The following HYKK variants were observed in gnomAD, a reference collection of about 807,000 sequenced individuals.
The protein encoded by HYKK is 5-hydroxy-L-lysine kinase.
Under a neutral mutation model 29.7 loss-of-function variants are expected in HYKK, and 19 were observed. The observed-to-expected ratio is 0.64, with a 90% CI of 0.45 to 0.94. The LOEUF (loss-of-function observed/expected upper bound fraction) is 0.94. Ranked by LOEUF, HYKK falls within the 40% of genes least tolerant of loss-of-function variation. The probability of loss-of-function intolerance (pLI) is 0.00; values close to 1 mark genes in which losing one functional copy is unlikely to be tolerated. For synonymous variants in HYKK, 152 were observed against 158.1 expected, an observed-to-expected ratio of 0.96 and a Z score of 0.29; for missense variants, 390 against 443.4, an observed-to-expected ratio of 0.88 and a Z score of 1.08.
At position 78,533,478 on chromosome 15, in the gene HYKK, C is replaced by T; in HGVS notation, c.930C>T (p.Cys310=). ...AGGGTGCTTTGTTTTTACTTGTATG[C>T]AGTCGTTTTTGTCAGTCACTTGTCA... ...VEKGALFLLV[C]SRFCQSLVMA... is the part of the protein sequence containing the mutation. The change falls in exon 5 of 5, where the codon TGC becomes TGT. Residue 310 remains cysteine (C), a synonymous_variant. Transcript: ENST00000388988. The T allele has an allele frequency of 6.2e-7, 1 of 1,614,196 alleles. No homozygotes were observed. The highest frequency in any genetic ancestry group is 8.5e-7 in the Non-Finnish European group (1 of 1,180,040).
intron 3 of HYKK, chr15:78,518,603 G>A (rs4380026): frequency 0.015 from 6,733 of 455,482 alleles, 364 homozygotes; most frequent in African/African-American, 0.12. Context: ...TAAGCCCCGC[G>A]TTACACCCCT....
intron 3 of HYKK, among the ~76,000 whole-genome samples, chr15:78,515,455 T>C (rs1480571293): frequency 1.3e-5 from 2 of 152,102 alleles, no homozygotes; most frequent in African/African-American, 4.8e-5. Flanking sequence ...TGGTGGCGTG[T>C]GCCTGTAGTC....
At chr15:78,524,079 G>T (rs2052224849) in intron 3 of HYKK, among the ~76,000 whole-genome samples, 1 of 152,216 alleles carries the variant, frequency 6.6e-6, no homozygotes, top group Admixed American at 6.5e-5. Flanking sequence ...GCTTCACTAG[G>T]CAGTACCCCA....
At chr15:78,526,209 C>T (rs771091536) in intron 3 of HYKK, among the ~76,000 whole-genome samples, 2 of 152,182 alleles carry the variant, frequency 1.3e-5, no homozygotes, top group Non-Finnish European at 2.9e-5. Context: ...AAATATTGCT[C>T]AAGCAGTGCC....
chr15:78,514,042 T>C (rs936133103), intron 2 of HYKK, among the ~76,000 whole-genome samples: 1 of 152,108 alleles, frequency 6.6e-6, no homozygotes, highest in Non-Finnish European at 1.5e-5. Flanking sequence ...TCTGCCTTCA[T>C]TGGCTTCCCA....
intron 1 of HYKK, among the ~76,000 whole-genome samples, chr15:78,510,603 C>G (rs2052064845): frequency 6.6e-6 from 1 of 152,102 alleles, no homozygotes; most frequent in Non-Finnish European, 1.5e-5. Context: ...TATCCCCTTT[C>G]CCTCACTGGA....
chr15:78,527,337 G>T (rs899743647), intron 3 of HYKK, 43 bp from the exon 4 acceptor site: 6 of 1,557,772 alleles, frequency 3.9e-6, no homozygotes, highest in Non-Finnish European at 5.3e-6. Flanking sequence ...CTCAGCAGTG[G>T]TTGCTCTGTC....
intron 4 of HYKK, among the ~76,000 whole-genome samples, chr15:78,530,195 TATTTA>T (rs1248046310): frequency 4.6e-5 from 3 of 65,584 alleles, no homozygotes; most frequent in African/African-American, 1.3e-4. Flanking sequence ...AACCATTATT[TATTTA>T]TTTTTTTTTT....
At chr15:78,513,712 G>A (rs551712677) in intron 2 of HYKK, among the ~76,000 whole-genome samples, 1 of 152,190 alleles carries the variant, frequency 6.6e-6, no homozygotes, top group Non-Finnish European at 1.5e-5. Flanking sequence ...TAACTAAGGG[G>A]ACTTGTGGAA....
At chr15:78,527,908 A>G (rs2052272262) in intron 4 of HYKK, 1 of 234,664 alleles carries the variant, frequency 4.3e-6, no homozygotes, top group Non-Finnish European at 7.3e-6. Context: ...TCTATTCAGC[A>G]TGTTTTGCAG....
chr15:78,520,874 C>A (rs1206051073), intron 3 of HYKK, among the ~76,000 whole-genome samples: 5 of 151,364 alleles, frequency 3.3e-5, no homozygotes, highest in Non-Finnish European at 7.4e-5. Context: ...GGGGCTGACC[C>A]CCCCACCTCC....
intron 3 of HYKK, among the ~76,000 whole-genome samples, chr15:78,525,052 G>GA (rs1168793079): frequency 6.6e-6 from 1 of 152,008 alleles, no homozygotes; most frequent in Non-Finnish European, 1.5e-5. Context: ...TATTTAGCAA[G>GA]AAAATGCTAC....
intron 1 of HYKK, among the ~76,000 whole-genome samples, chr15:78,512,292 T>C (rs184969669): frequency 6.6e-6 from 1 of 152,182 alleles, no homozygotes; most frequent in East Asian, 1.9e-4. Context: ...AAGATCACTG[T>C]ATTTGAATTT....
chr15:78,532,734 G>T (rs2052324271), intron 4 of HYKK, among the ~76,000 whole-genome samples: 1 of 152,126 alleles, frequency 6.6e-6, no homozygotes, highest in African/African-American at 2.4e-5. Context: ...GAGACAGGTT[G>T]CAGTGAGCCA....
Position 78,514,908 on chromosome 15 carries a change from C to CTCTATATA in HYKK, c.338-59_338-58insCTATATAT, listed in dbSNP as rs766004199. 708 of 385,378 alleles carry CTCTATATA rather than the reference C, an allele frequency of 1.8e-3. 4 individuals carry two copies. Among genetic ancestry groups the CTCTATATA allele is most frequent in the Admixed American group, 4.2e-3 (80 of 18,942 alleles). 23.9% of individuals were successfully genotyped at this position (385,378 alleles called of 1,614,324 possible). ...TAAATACCTCTCTCTCTCTCTCTCTCTATATATATATATATATATAAATAA... is the reference window on the plus strand; with the variant it reads ...TAAATACCTCTCTCTCTCTCTCTCTCTCTATATATATATATATATATATATATAAATAA... On this transcript the variant is annotated intron_variant, in intron 2 of 4. Transcript: ENST00000388988.
At chr15:78,522,534 G>A (rs2052207811) in intron 3 of HYKK, among the ~76,000 whole-genome samples, 3 of 148,380 alleles carry the variant, frequency 2.0e-5, no homozygotes, top group Admixed American at 6.7e-5. Context: ...TCTCCAGCCT[G>A]GGTGACAGAG....
At chr15:78,528,471 A>G in intron 4 of HYKK, 17 of 985,426 alleles carry the variant, frequency 1.7e-5, no homozygotes, top group Non-Finnish European at 2.0e-5. Flanking sequence ...ATTTCTAGAT[A>G]TAACCAGCCT....
chr15:78,518,644 G>T (rs751055762), intron 3 of HYKK: 2 of 453,954 alleles, frequency 4.4e-6, no homozygotes, highest in African/African-American at 4.0e-5. Flanking sequence ...CAGGCCGGGC[G>T]CAGTAGCTTA....
intron 1 of HYKK, among the ~76,000 whole-genome samples, chr15:78,510,118 CTTTCT>C (rs1046611845): frequency 7.7e-6 from 1 of 130,078 alleles, no homozygotes; most frequent in African/African-American, 2.7e-5. Context: ...TCTCTTTCTT[CTTTCT>C]TTTCTTTCTT....
Sources: allele counts gnomAD v4.1 joint callset (sites outside exome capture counted in the v4.1 genomes callset), GRCh38; gene constraint gnomAD v4.1.1; transcripts MANE v1.5; gene names NCBI Gene and HGNC (gene_info 2026-07-23, HGNC 2026-07-21).